Variants in RANBP2 observed in about 807,000 individuals in gnomAD.
RANBP2 encodes RAN binding protein 2, also known as E3 SUMO-protein ligase RanBP2.
In RANBP2, 57 loss-of-function variants were observed where a neutral mutation model predicts 303.6. The ratio of observed to expected loss-of-function variants is 0.19; its 90% CI spans 0.15 to 0.23. The LOEUF is 0.23. Among genes scored for constraint, RANBP2 ranks in the 10% least tolerant of loss-of-function variants. The pLI, the probability that RANBP2 is intolerant of heterozygous loss-of-function variation, is 1.00. For synonymous variants in RANBP2, 1,167 were observed against 1,301.5 expected, an observed-to-expected ratio of 0.90 and a Z score of 2.23; for missense variants, 3,138 against 3,780.8, an observed-to-expected ratio of 0.83 and a Z score of 4.46.
At chr2:108,976,832 TC>T in the RANBP2 span, among the ~76,000 whole-genome samples, 26 of 152,230 alleles carry the variant, frequency 1.7e-4, no homozygotes, top group Admixed American at 1.6e-3. Flanking sequence ...TCTTAGGACC[TC>T]TTTACTTTCT....
At chr2:109,381,305 C>T in the RANBP2 span, among the ~76,000 whole-genome samples, 3 of 152,216 alleles carry the variant, frequency 2.0e-5, no homozygotes, top group South Asian at 6.2e-4. Flanking sequence ...CCCCTAGGCT[C>T]CAGCTGTTTT....
chr2:109,692,943 T>C, the RANBP2 span, among the ~76,000 whole-genome samples: 1 of 150,894 alleles, frequency 6.6e-6, no homozygotes, highest in African/African-American at 2.4e-5. Flanking sequence ...CTCAGCCTCC[T>C]GAGTAGCTGG....
At chr2:109,513,208 C>G in the RANBP2 span, among the ~76,000 whole-genome samples, 1 of 152,152 alleles carries the variant, frequency 6.6e-6, no homozygotes, top group Non-Finnish European at 1.5e-5. Flanking sequence ...AGACCTGTCT[C>G]AGCACCCAGG....
At chr2:109,347,538 T>C in the RANBP2 span, 2 of 1,192,072 alleles carry the variant, frequency 1.7e-6, no homozygotes, top group Non-Finnish European at 2.3e-6. Flanking sequence ...TAAAATATTT[T>C]CCACTTGCGG....
chr2:108,773,687 G>A (rs952757814), intron 23 of RANBP2, among the ~76,000 whole-genome samples: 30 of 148,246 alleles, frequency 2.0e-4, no homozygotes, highest in African/African-American at 6.5e-4. Flanking sequence ...TCGCTCTGTC[G>A]CCAGGCTGGA....
chr2:108,721,866 T>G (rs922248883), intron 1 of RANBP2, among the ~76,000 whole-genome samples: 1 of 152,066 alleles, frequency 6.6e-6, no homozygotes, highest in Non-Finnish European at 1.5e-5. Flanking sequence ...CTTAGCCTCC[T>G]GGGTAGCTGA....
the RANBP2 span, chr2:109,449,250 C>A: frequency 6.2e-7 from 1 of 1,612,846 alleles, no homozygotes. Flanking sequence ...TCCATCCCGC[C>A]TGCCTGCCAC....
chr2:109,027,003 G>A, the RANBP2 span, among the ~76,000 whole-genome samples: 10 of 152,176 alleles, frequency 6.6e-5, no homozygotes, highest in African/African-American at 2.4e-4. Context: ...CAGCACTCTG[G>A]GAGGCCAAAG....
chr2:109,068,761 A>G, the RANBP2 span, among the ~76,000 whole-genome samples: 17 of 152,192 alleles, frequency 1.1e-4, no homozygotes, highest in African/African-American at 4.1e-4. Context: ...TTGTTTCCTC[A>G]TTCGTTGAGT....
chr2:109,082,044 A>C, the RANBP2 span, among the ~76,000 whole-genome samples: 1 of 152,210 alleles, frequency 6.6e-6, no homozygotes, highest in Non-Finnish European at 1.5e-5. Context: ...GCAAAGGCGG[A>C]GCCCACCTCG....
At chr2:109,303,326 A>G in the RANBP2 span, among the ~76,000 whole-genome samples, 2 of 152,364 alleles carry the variant, frequency 1.3e-5, no homozygotes, top group East Asian at 3.9e-4. Context: ...TGCCTCTGGC[A>G]GGGTTAAGAC....
At chr2:109,625,893 A>T in the RANBP2 span, among the ~76,000 whole-genome samples, 2 of 152,156 alleles carry the variant, frequency 1.3e-5, no homozygotes, top group African/African-American at 4.8e-5. Context: ...AATTAAAGAC[A>T]TGGTTACCTC....
the RANBP2 span, among the ~76,000 whole-genome samples, chr2:109,440,846 C>T: frequency 2.0e-5 from 3 of 152,086 alleles, no homozygotes; most frequent in South Asian, 2.1e-4. Context: ...ACATGAGAAA[C>T]GTACCCAAAG....
At chr2:109,202,160 A>T in the RANBP2 span, among the ~76,000 whole-genome samples, 2 of 152,140 alleles carry the variant, frequency 1.3e-5, no homozygotes, top group Admixed American at 1.3e-4. Context: ...CAGCTTGTAG[A>T]TGAACACGGG....
the RANBP2 span, among the ~76,000 whole-genome samples, chr2:109,394,584 A>G: frequency 6.0e-3 from 921 of 152,370 alleles, 6 homozygotes; most frequent in South Asian, 0.01. Flanking sequence ...TCCATTTTGT[A>G]TGGAAGTTGA....
chr2:108,805,027 T>A, the RANBP2 span: 1 of 1,339,362 alleles, frequency 7.5e-7, no homozygotes, highest in Middle Eastern at 2.2e-4. Context: ...TGTTTTAATA[T>A]ATACTGAACA....
chr2:109,117,529 C>T, the RANBP2 span, among the ~76,000 whole-genome samples: 1 of 152,342 alleles, frequency 6.6e-6, no homozygotes, highest in South Asian at 2.1e-4. Flanking sequence ...TTTCCAGGTG[C>T]CGTTTGTCAC....
At chr2:108,903,015 A>G in the RANBP2 span, among the ~76,000 whole-genome samples, 1 of 152,220 alleles carries the variant, frequency 6.6e-6, no homozygotes, top group Non-Finnish European at 1.5e-5. Flanking sequence ...CATCTACAAG[A>G]AAACTCCCAG....
At chr2:109,565,098 ATATAT>A in the RANBP2 span, among the ~76,000 whole-genome samples, 1 of 152,176 alleles carries the variant, frequency 6.6e-6, no homozygotes. Flanking sequence ...CTACAAATAA[ATATAT>A]TTTATTGTGA....
Sources: gnomAD v4.1 joint callset for allele counts (sites outside exome capture counted in the v4.1 genomes callset) on GRCh38, gnomAD v4.1.1 for gene constraint, MANE v1.5 for transcripts, NCBI Gene and HGNC (gene_info 2026-07-23, HGNC 2026-07-21) for gene names.